Variants in MYOCD observed in about 807,000 individuals in gnomAD.
MYOCD encodes the protein myocardin.
In MYOCD, 32 loss-of-function variants were observed where a neutral mutation model predicts 96.1. The observed-to-expected ratio is 0.33, with a 90% CI of 0.25 to 0.45. The LOEUF (loss-of-function observed/expected upper bound fraction) is 0.45. Ranked by LOEUF, MYOCD falls within the 20% of genes least tolerant of loss-of-function variation. The pLI, the probability that MYOCD is intolerant of heterozygous loss-of-function variation, is 1.00. For synonymous variants in MYOCD, 469 were observed against 469.0 expected (o/e 1.00, Z 0.00); for missense variants, 1,133 against 1,200.6 (o/e 0.94, Z 0.83).
At chr17:12,678,138 G>A (rs1169075523) in intron 1 of MYOCD, among the ~76,000 whole-genome samples, 3 of 151,650 alleles carry the variant, frequency 2.0e-5, no homozygotes, top group Non-Finnish European at 2.9e-5. Context: ...TGATTTGCCC[G>A]CCTCAGCCTC....
intron 3 of MYOCD, among the ~76,000 whole-genome samples, chr17:12,716,525 A>G (rs11078090): frequency 0.77 from 117,255 of 152,166 alleles, 45,348 homozygotes; most frequent in East Asian, 0.79. Flanking sequence ...CTTCATGCCC[A>G]TCCAGTTCCT....
In MYOCD at chr17:12,744,198, G is replaced by A. The variant is rs749393625; in HGVS notation, c.733G>A (p.Asp245Asn). The A allele has an allele frequency of 1.9e-6, 3 of 1,614,078 alleles. No individual in the cohort carries two copies. ...HAAVKSKSLG[D>N]SKNRHKKPKD... ...TTCTTTGCAGTCCAAATCCTTGGGT[G>A]ACAGTAAGAACCGCCACAAAAAGCC... The change falls in exon 8 of 14, where the codon GAC becomes AAC. Residue 245 changes from aspartate to asparagine, a missense_variant. Asp to Asn is a conservative substitution (Grantham distance 23). Coordinates refer to ENST00000425538, the MANE Select transcript of MYOCD (RefSeq NM_001146312.3).
chr17:12,699,703 T>C (rs894550330), intron 1 of MYOCD, among the ~76,000 whole-genome samples: 1 of 152,172 alleles, frequency 6.6e-6, no homozygotes, highest in Non-Finnish European at 1.5e-5. Context: ...ATCTTTAAGC[T>C]TTAAATTAAA....
At chr17:12,687,233 A>T (rs1173766355) in intron 1 of MYOCD, among the ~76,000 whole-genome samples, 1 of 152,186 alleles carries the variant, frequency 6.6e-6, no homozygotes, top group Non-Finnish European at 1.5e-5. Flanking sequence ...TTTAAAAAAA[A>T]TTTGAAACCA....
intron 9 of MYOCD, among the ~76,000 whole-genome samples, chr17:12,750,902 G>T (rs1480518842): frequency 6.6e-6 from 1 of 151,822 alleles, no homozygotes; most frequent in Non-Finnish European, 1.5e-5. Flanking sequence ...TTTATACTGG[G>T]TATCAATCTT....
At chr17:12,674,804 G>A (rs2159112) in intron 1 of MYOCD, among the ~76,000 whole-genome samples, 88,282 of 151,998 alleles carry the variant, frequency 0.58, 26,571 homozygotes, top group African/African-American at 0.75. Context: ...AATAAATTCC[G>A]TATGGATTAA....
Position 12,678,468 on chromosome 17 carries a change from G to A in MYOCD, c.55+12225G>A, listed in dbSNP as rs183562156. On this transcript the variant is annotated intron_variant, in intron 1 of 13. Transcript: ENST00000425538. ...TTACATGCTATGAGGACCAGCAAAG[G>A]CTCATGGCTGAGCCCAGATCCTCTT... Among the ~76,000 whole-genome samples, 15 of 152,122 alleles carry A rather than the reference G, an allele frequency of 9.9e-5. 1 individual carries two copies. The highest frequency in any genetic ancestry group is 6.5e-5 in the Admixed American group (1 of 15,282).
chr17:12,740,543 TACC>T (rs977918600), intron 7 of MYOCD, among the ~76,000 whole-genome samples: 2 of 152,228 alleles, frequency 1.3e-5, no homozygotes, highest in Non-Finnish European at 2.9e-5. Flanking sequence ...GTTGTATATG[TACC>T]ACATTTTCTT....
At chr17:12,758,609 T>G (rs1171851578) in intron 12 of MYOCD, among the ~76,000 whole-genome samples, 1 of 152,232 alleles carries the variant, frequency 6.6e-6, no homozygotes, top group East Asian at 1.9e-4. Flanking sequence ...AGGGTAATAC[T>G]TCCTAAGGTT....
chr17:12,765,316 A>G lies in MYOCD; in HGVS notation c.*1672A>G. On this transcript the variant is annotated 3_prime_UTR_variant, in exon 14 of 14. Transcript: ENST00000425538. Reference sequence around the variant, plus strand: ...TAAGGCACTGTTTTTATCTTTTGTAAAAAAAAAAAAAAAGTTGTTCACTGT... The same window carrying G: ...TAAGGCACTGTTTTTATCTTTTGTAGAAAAAAAAAAAAAGTTGTTCACTGT... 9.3e-6 allele frequency: 1 copy of G among 107,358 alleles called. No individual in the cohort carries two copies. Among genetic ancestry groups the G allele is most frequent in the African/African-American group, 4.1e-5 (1 of 24,552 alleles). 6.7% of individuals were successfully genotyped at this position (107,358 alleles called of 1,614,324 possible).
chr17:12,684,102 TTC>T (rs976174712), intron 1 of MYOCD, among the ~76,000 whole-genome samples: 5 of 151,358 alleles, frequency 3.3e-5, no homozygotes, highest in Non-Finnish European at 5.9e-5. Context: ...CTTTCTCTCA[TTC>T]TCTCTCTCTC....
chr17:12,724,252 T>C (rs1303140222), intron 5 of MYOCD, among the ~76,000 whole-genome samples: 1 of 152,226 alleles, frequency 6.6e-6, no homozygotes, highest in Non-Finnish European at 1.5e-5. Flanking sequence ...TTTTCTTTTG[T>C]TGAGTGCATG....
intron 7 of MYOCD, among the ~76,000 whole-genome samples, chr17:12,740,404 A>G (rs2032472925): frequency 6.6e-6 from 1 of 152,180 alleles, no homozygotes; most frequent in African/African-American, 2.4e-5. Context: ...TCCCACTTAT[A>G]AGTGAGAACA....
At chr17:12,759,234 AAGAATGTTTTAAATAACAGG>A (rs2033101059) in intron 12 of MYOCD, among the ~76,000 whole-genome samples, 1 of 152,200 alleles carries the variant, frequency 6.6e-6, no homozygotes, top group African/African-American at 2.4e-5. Context: ...GTTTGGCTTA[AAGAATGTTTTAAATAACAGG>A]AGATGGTATG....
intron 10 of MYOCD, among the ~76,000 whole-genome samples, chr17:12,754,164 G>T (rs1377627812): frequency 3.3e-5 from 5 of 152,054 alleles, no homozygotes; most frequent in Admixed American, 6.6e-5. Flanking sequence ...GAGTGCAGTG[G>T]CGTGATCTTG....
At position 12,764,310 on chromosome 17, in the gene MYOCD, T is replaced by G. The variant is rs2033273877; in HGVS notation, c.*666T>G. 1 of 152,296 alleles carries G rather than the reference T, an allele frequency of 6.6e-6. No homozygotes were observed. Among genetic ancestry groups the G allele is most frequent in the Non-Finnish European group, 1.5e-5 (1 of 68,118 alleles). 9.4% of individuals were successfully genotyped at this position (152,296 alleles called of 1,614,324 possible). A position where few individuals can be genotyped will look rare whatever the true frequency, so the allele number is the denominator to read the frequency against. Reference sequence around the variant, plus strand: ...GTCACTAATAACAATTAACCTGAACTGAGTCCACAGAACTCCACTCGGAAC... The same window carrying G: ...GTCACTAATAACAATTAACCTGAACGGAGTCCACAGAACTCCACTCGGAAC... On this transcript the variant is annotated 3_prime_UTR_variant, in exon 14 of 14. Coordinates refer to ENST00000425538, the MANE Select transcript of MYOCD (RefSeq NM_001146312.3).
At chr17:12,723,097 G>A in intron 5 of MYOCD, 89 bp downstream of exon 5, 1 of 1,295,744 alleles carries the variant, frequency 7.7e-7, no homozygotes, top group Non-Finnish European at 1.1e-6. Context: ...CTTTGGGGAT[G>A]AGGGCCTCTC....
intron 11 of MYOCD, among the ~76,000 whole-genome samples, chr17:12,757,521 C>A (rs1051006741): frequency 6.6e-6 from 1 of 152,112 alleles, no homozygotes; most frequent in African/African-American, 2.4e-5. Context: ...TTTTGAGACA[C>A]AGTCTCACTC....
chr17:12,680,957 G>A (rs1910425731), intron 1 of MYOCD, among the ~76,000 whole-genome samples: 1 of 152,142 alleles, frequency 6.6e-6, no homozygotes, highest in Non-Finnish European at 1.5e-5. Flanking sequence ...CATGCCTGCT[G>A]CGTGTGCTAA....
Sources: allele counts gnomAD v4.1 joint callset (sites outside exome capture counted in the v4.1 genomes callset), GRCh38; gene constraint gnomAD v4.1.1; transcripts MANE v1.5; gene names NCBI Gene and HGNC (gene_info 2026-07-23, HGNC 2026-07-21).